A2ML1: variants seen among roughly 807,000 people sequenced by gnomAD.
A2ML1 encodes the protein alpha-2-macroglobulin like 1.
In A2ML1, 161 loss-of-function variants were observed where a neutral mutation model predicts 181.9. The ratio of observed to expected loss-of-function variants is 0.89; its 90% CI spans 0.78 to 1.01. The LOEUF (loss-of-function observed/expected upper bound fraction) is 1.01. Among genes scored for constraint, A2ML1 ranks in the 50% least tolerant of loss-of-function variants. The probability of loss-of-function intolerance (pLI) is 0.00; values close to 1 mark genes in which losing one functional copy is unlikely to be tolerated. For missense variants in A2ML1, 1,670 were observed against 1,768.1 expected (o/e 0.94, Z 1.00); for synonymous variants, 663 against 666.8 (o/e 0.99, Z 0.09).
rs1435299149 is a variant in A2ML1 at position 8,868,305 on chromosome 12, A to G, written c.4009A>G (p.Arg1337Gly). 1.4e-5 allele frequency: 22 copies of G among 1,613,840 alleles called. No homozygotes were observed. Among genetic ancestry groups the G allele is most frequent in the Non-Finnish European group, 1.8e-5 (21 of 1,180,006 alleles). Reference protein sequence around the residue: ...FSLSVEIGKARCEQPTSPRSL... With the variant: ...FSLSVEIGKAGCEQPTSPRSL... The stretch of plus-strand genomic sequence containing the variant: ...TCTTAGTGTGGAAATAGGAAAAGCT[A>G]GATGTGAGCAACCGACTTCACCTCG... Residue 1337 changes from arginine (R) to glycine (G), a missense_variant, in exon 31 of 36, where the codon AGA becomes GGA. Coordinates refer to ENST00000299698, the MANE Select transcript of A2ML1 (RefSeq NM_144670.6).
At chr12:8,841,668 G>T in intron 11 of A2ML1, 132 bp downstream of exon 11, 2 of 939,620 alleles carry the variant, frequency 2.1e-6, no homozygotes, top group South Asian at 3.9e-5. Context: ...CTGCTCTCCC[G>T]TTGACAAAAA....
chr12:8,825,803 T>C (rs1269505637), intron 3 of A2ML1, among the ~76,000 whole-genome samples: 1 of 152,220 alleles, frequency 6.6e-6, no homozygotes, highest in African/African-American at 2.4e-5. Context: ...CTAGTTTCAT[T>C]CTTCTGCATA....
chr12:8,869,160 AG>A lies in A2ML1; in HGVS notation c.4180del (p.Val1394LeufsTer35). ...CTTCTCCAGCAACCCCTGGTGAAGA[AG>A]GTTGAATTTGGAACTGACACACTTA... Reference protein sequence around the residue: ...QLLLQQPLVKKVEFGTDTLNI... With the variant: ...QLLLQQPLVKXVEFGTDTLNI... On this transcript the variant is annotated frameshift_variant, in exon 33 of 36. Transcript: ENST00000299698. LOFTEE classifies it high-confidence loss of function. 1 of 1,614,050 alleles carries A rather than the reference AG, an allele frequency of 6.2e-7. No individual in the cohort carries two copies. The highest frequency in any genetic ancestry group is 1.1e-5 in the South Asian group (1 of 91,078).
chr12:8,869,680 A>G (rs1944555415), intron 33 of A2ML1, among the ~76,000 whole-genome samples: 1 of 152,130 alleles, frequency 6.6e-6, no homozygotes, highest in Admixed American at 6.6e-5. Flanking sequence ...AATAGCCACA[A>G]GTGACATTGC....
intron 7 of A2ML1, among the ~76,000 whole-genome samples, chr12:8,883,431 A>G (rs1592170268): frequency 1.3e-5 from 2 of 152,202 alleles, no homozygotes; most frequent in East Asian, 3.8e-4. Context: ...CCAGCCTACA[A>G]AAAGTAACCG....
Position 8,850,165 on chromosome 12 carries a change from G to T in A2ML1, c.2125G>T (p.Gly709Cys). The T allele has an allele frequency of 6.2e-7, 1 of 1,602,684 alleles. No individual in the cohort carries two copies. Among genetic ancestry groups the T allele is most frequent in the Non-Finnish European group, 8.5e-7 (1 of 1,176,820 alleles). ...PEYSTAMGAG[G>C]GHPEAFESST... is the part of the protein sequence containing the mutation. ...CGTATTCTCAATTTCATCAGCAGGC[G>T]GTGGTCATCCAGAGGCTTTTGAGTC... The change falls in exon 18 of 36, where the codon GGT (glycine) becomes TGT (cysteine). Residue 709 changes from glycine to cysteine, a missense_variant. By Grantham distance (159) the Gly-to-Cys change is radical. Coordinates refer to ENST00000299698, the MANE Select transcript of A2ML1 (RefSeq NM_144670.6).
intron 8 of A2ML1, 45 bp from the exon 9 acceptor site, chr12:8,838,291 G>C: frequency 7.4e-7 from 1 of 1,348,002 alleles, no homozygotes; most frequent in Non-Finnish European, 1.1e-6. Flanking sequence ...GTAGAGATTA[G>C]ATTCCTCATC....
chr12:8,873,100 C>T (rs934699000), intron 33 of A2ML1, among the ~76,000 whole-genome samples: 2 of 152,128 alleles, frequency 1.3e-5, no homozygotes, highest in Non-Finnish European at 2.9e-5. Context: ...ATTCTGACCT[C>T]TCAGATATTC....
chr12:8,885,033 A>G (rs1944908681), intron 7 of A2ML1, among the ~76,000 whole-genome samples: 1 of 152,198 alleles, frequency 6.6e-6, no homozygotes, highest in African/African-American at 2.4e-5. Context: ...CTCTGGGTAT[A>G]TATCCAGTAA....
chr12:8,843,783 T>A (rs1334080136), intron 12 of A2ML1, among the ~76,000 whole-genome samples: 2 of 150,960 alleles, frequency 1.3e-5, no homozygotes, highest in African/African-American at 4.9e-5. Context: ...CAGTGGTGTG[T>A]TCTTGGCTCA....
chr12:8,861,009 G>C (rs1944241458), intron 27 of A2ML1, 54 bp downstream of exon 27: 1 of 1,610,322 alleles, frequency 6.2e-7, no homozygotes, highest in African/African-American at 1.3e-5. Context: ...CGTATTCCTA[G>C]AGACATTCAC....
chr12:8,846,429 G>T (rs1412024108), intron 14 of A2ML1, among the ~76,000 whole-genome samples: 1 of 152,128 alleles, frequency 6.6e-6, no homozygotes, highest in Non-Finnish European at 1.5e-5. Context: ...GCTGGCTGAG[G>T]TGCAGTGGCT....
At chr12:8,850,100 T>C in intron 17 of A2ML1, 60 bp from the exon 18 acceptor site, 1 of 1,346,246 alleles carries the variant, frequency 7.4e-7, no homozygotes, top group Non-Finnish European at 1.0e-6. Context: ...TCCATCCCAA[T>C]TTATGTCACA....
intron 26 of A2ML1, among the ~76,000 whole-genome samples, chr12:8,859,637 A>G (rs1342629566): frequency 6.6e-6 from 1 of 151,876 alleles, no homozygotes; most frequent in African/African-American, 2.4e-5. Context: ...TAGTTGCGCA[A>G]TCCCAGCTCA....
chr12:8,862,617 G>T (rs781265096), intron 28 of A2ML1, among the ~76,000 whole-genome samples: 24 of 152,340 alleles, frequency 1.6e-4, no homozygotes, highest in Admixed American at 2.6e-4. Flanking sequence ...CCAGGCAGAA[G>T]TGCAGTCTCA....
chr12:8,875,004 G>C lies in A2ML1; in HGVS notation c.4358G>C (p.Cys1453Ser). 3 of 1,614,080 alleles carry C rather than the reference G, an allele frequency of 1.9e-6. No homozygotes were observed. The highest frequency in any genetic ancestry group is 2.5e-6 in the Non-Finnish European group (3 of 1,179,966). The change falls in exon 35 of 36, where the codon TGT (cysteine) becomes TCT (serine). Residue 1453 changes from cysteine (C) to serine (S), a missense_variant. Coordinates refer to ENST00000299698, the MANE Select transcript of A2ML1 (RefSeq NM_144670.6). ...GCAACAATTCAGTATTCTGATCCCTGTGAATGAGGTAAGTCCAGCGGAGAA... is the reference window on the plus strand; with the variant it reads ...GCAACAATTCAGTATTCTGATCCCTCTGAATGAGGTAAGTCCAGCGGAGAA... ...EQATIQYSDP[C>S]E
chr12:8,842,403 T>C (rs919853291), intron 11 of A2ML1, among the ~76,000 whole-genome samples: 1 of 151,558 alleles, frequency 6.6e-6, no homozygotes, highest in African/African-American at 2.4e-5. Flanking sequence ...TATTTTTTAG[T>C]AGAGATGGGG....
rs1944920328 is a variant in A2ML1 at position 8,886,185 on chromosome 12, C to T, written c.*95-322C>T. Among the ~76,000 whole-genome samples the T allele has an allele frequency of 2.6e-5, 4 of 152,228 alleles. No individual in the cohort carries two copies. In the South Asian group the frequency reaches 8.3e-4, roughly 32 times the overall value. On this transcript the variant is annotated intron_variant and NMD_transcript_variant, in intron 7 of 7. Transcript: ENST00000537475. ...TCAGTTTGTTAATTTCCTCAAAAAA[C>T]CTGCTGGGAATTTGGGAGGATTGCT...
intron 29 of A2ML1, among the ~76,000 whole-genome samples, chr12:8,867,310 C>T (rs1293070759): frequency 6.6e-6 from 1 of 152,178 alleles, no homozygotes; most frequent in Non-Finnish European, 1.5e-5. Context: ...ACCAAGTAAT[C>T]TGTGGATGTT....
Sources: gnomAD v4.1 joint callset for allele counts (sites outside exome capture counted in the v4.1 genomes callset) on GRCh38, gnomAD v4.1.1 for gene constraint, MANE v1.5 for transcripts, NCBI Gene and HGNC (gene_info 2026-07-23, HGNC 2026-07-21) for gene names.